JAZF1: variants seen among roughly 807,000 people sequenced by gnomAD.
JAZF1 encodes juxtaposed with another zinc finger protein 1.
In JAZF1, 8 loss-of-function variants were observed where a neutral mutation model predicts 26.4. The observed-to-expected ratio is 0.30, with a 90% CI of 0.18 to 0.55. The LOEUF (loss-of-function observed/expected upper bound fraction) is 0.55, where lower values mean the gene tolerates loss of function less well. Ranked by LOEUF, JAZF1 falls within the 20% of genes least tolerant of loss-of-function variation. The probability of loss-of-function intolerance (pLI) is 0.94; values close to 1 mark genes in which losing one functional copy is unlikely to be tolerated. For synonymous variants in JAZF1, 126 were observed against 122.3 expected, an observed-to-expected ratio of 1.03 and a Z score of -0.20; for missense variants, 199 against 322.0, an observed-to-expected ratio of 0.62 and a Z score of 2.92.
chr7:27,898,286 C>CATATATATATATATATATAT (rs10638646), intron 2 of JAZF1, among the ~76,000 whole-genome samples: 8 of 99,592 alleles, frequency 8.0e-5, no homozygotes, highest in African/African-American at 3.2e-4. Context: ...ACGTCTAACT[C>CATATATATATATATATATAT]ATATATATAT....
At chr7:27,877,378 G>A (rs1050082397) in intron 3 of JAZF1, among the ~76,000 whole-genome samples, 2 of 152,160 alleles carry the variant, frequency 1.3e-5, no homozygotes, top group Non-Finnish European at 2.9e-5. Context: ...ACATGGAAAG[G>A]TATAACGGTC....
At chr7:28,163,542 G>A (rs948582291) in intron 1 of JAZF1, among the ~76,000 whole-genome samples, 2 of 152,174 alleles carry the variant, frequency 1.3e-5, no homozygotes, top group Admixed American at 1.3e-4. Flanking sequence ...AGAAGACTGG[G>A]CAACCCAAAT....
chr7:27,891,735 G>C (rs7798817), intron 3 of JAZF1, among the ~76,000 whole-genome samples: 20,366 of 152,094 alleles, frequency 0.13, 1,784 homozygotes, highest in African/African-American at 0.23. Context: ...AGGCTGACGT[G>C]AGCTACACAG....
intron 2 of JAZF1, among the ~76,000 whole-genome samples, chr7:27,939,733 T>G (rs1784814729): frequency 6.6e-6 from 1 of 152,216 alleles, no homozygotes; most frequent in Admixed American, 6.5e-5. Context: ...TTGCTTTTCT[T>G]GGGCACTCGC....
intron 1 of JAZF1, among the ~76,000 whole-genome samples, chr7:28,027,707 G>C (rs187629301): frequency 6.6e-6 from 1 of 152,302 alleles, no homozygotes; most frequent in Non-Finnish European, 1.5e-5. Flanking sequence ...GTCCAGGCCA[G>C]GCTGGGTACT....
chr7:27,897,711 G>C (rs868748803), intron 2 of JAZF1, among the ~76,000 whole-genome samples: 4 of 152,234 alleles, frequency 2.6e-5, no homozygotes, highest in African/African-American at 9.6e-5. Context: ...TATGCCCAGA[G>C]CGTGTTTCAA....
At chr7:28,104,980 T>C (rs749146133) in intron 1 of JAZF1, among the ~76,000 whole-genome samples, 20 of 152,138 alleles carry the variant, frequency 1.3e-4, no homozygotes, top group Non-Finnish European at 2.4e-4. Context: ...CCGAGGTGGA[T>C]TTCTGTGTGA....
intron 2 of JAZF1, among the ~76,000 whole-genome samples, chr7:27,972,425 A>G (rs897269461): frequency 6.6e-6 from 1 of 152,092 alleles, no homozygotes; most frequent in African/African-American, 2.4e-5. Flanking sequence ...CTTTTAGGGG[A>G]AGGAGGATGG....
Position 28,180,048 on chromosome 7 carries a change from G to C in JAZF1, c.115+415C>G, listed in dbSNP as rs1269849673. On this transcript the variant is annotated intron_variant, in intron 1 of 4. Coordinates refer to ENST00000283928, the MANE Select transcript of JAZF1 (RefSeq NM_175061.4). ...GCGCCTCGGGCTACTCCGACCACCC[G>C]GGCCAACTAACTCCGCGACCCTGCC... Among the ~76,000 whole-genome samples, 3 of 140,962 alleles carry C rather than the reference G, an allele frequency of 2.1e-5. No individual in the cohort carries two copies. The East Asian group carries it at 6.9e-4, about 32-fold the overall frequency. 92.5% of individuals were successfully genotyped at this position (140,962 alleles called of 152,430 possible).
chr7:27,944,188 AC>A (rs1167293388), intron 2 of JAZF1, among the ~76,000 whole-genome samples: 7 of 152,184 alleles, frequency 4.6e-5, no homozygotes, highest in Non-Finnish European at 7.3e-5. Context: ...ATCTTGCCGA[AC>A]CCTTTAGCAA....
At chr7:28,064,355 T>C (rs1339474742) in intron 1 of JAZF1, among the ~76,000 whole-genome samples, 1 of 152,066 alleles carries the variant, frequency 6.6e-6, no homozygotes, top group Non-Finnish European at 1.5e-5. Context: ...TATAAGCAAA[T>C]GCTTTTTCAA....
At chr7:27,855,434 C>G (rs546706283) in intron 3 of JAZF1, among the ~76,000 whole-genome samples, 1 of 151,934 alleles carries the variant, frequency 6.6e-6, no homozygotes, top group African/African-American at 2.4e-5. Context: ...AATCCAGGAG[C>G]TGGTTTTTTG....
At chr7:27,907,399 T>C (rs1290589983) in intron 2 of JAZF1, among the ~76,000 whole-genome samples, 1 of 152,208 alleles carries the variant, frequency 6.6e-6, no homozygotes, top group Non-Finnish European at 1.5e-5. Context: ...AGAAATTGTT[T>C]ATAAATTTAA....
intron 1 of JAZF1, among the ~76,000 whole-genome samples, chr7:28,180,033 C>A (rs977926687): frequency 6.8e-6 from 1 of 146,398 alleles, no homozygotes; most frequent in African/African-American, 2.5e-5. Flanking sequence ...GCGCCTCGGG[C>A]TACTCCGACC....
intron 2 of JAZF1, among the ~76,000 whole-genome samples, chr7:27,902,832 C>A (rs1198420045): frequency 6.6e-6 from 1 of 151,962 alleles, no homozygotes; most frequent in Non-Finnish European, 1.5e-5. Flanking sequence ...TTGGCTAACA[C>A]AGTGAAACCC....
At chr7:28,145,358 A>T (rs748561895) in intron 1 of JAZF1, among the ~76,000 whole-genome samples, 1 of 152,216 alleles carries the variant, frequency 6.6e-6, no homozygotes, top group Non-Finnish European at 1.5e-5. Flanking sequence ...GTAAATATGA[A>T]AACACGCCTA....
intron 1 of JAZF1, among the ~76,000 whole-genome samples, chr7:28,102,845 G>A (rs973458682): frequency 2.0e-5 from 3 of 152,100 alleles, no homozygotes; most frequent in Admixed American, 6.6e-5. Flanking sequence ...ATCAGAACTA[G>A]TACAAACACA....
At chr7:28,084,830 G>A (rs1481892760) in intron 1 of JAZF1, among the ~76,000 whole-genome samples, 5 of 152,318 alleles carry the variant, frequency 3.3e-5, no homozygotes, top group South Asian at 4.1e-4. Context: ...CAAAGTTCGT[G>A]TTGCAATTTA....
chr7:27,879,987 C>T (rs1783741853), intron 3 of JAZF1, among the ~76,000 whole-genome samples: 1 of 152,140 alleles, frequency 6.6e-6, no homozygotes, highest in Admixed American at 6.5e-5. Context: ...ATAGAAAACA[C>T]ACAGTAAATA....
Sources: gnomAD v4.1 joint callset for allele counts (sites outside exome capture counted in the v4.1 genomes callset) on GRCh38, gnomAD v4.1.1 for gene constraint, MANE v1.5 for transcripts, NCBI Gene and HGNC (gene_info 2026-07-23, HGNC 2026-07-21) for gene names.